UPF3A: variants seen among roughly 807,000 people sequenced by gnomAD.
UPF3A encodes the protein regulator of nonsense transcripts 3A.
Under a neutral mutation model 53.5 loss-of-function variants are expected in UPF3A, and 42 were observed. That is an observed-to-expected ratio of 0.78 (90% CI 0.61 to 1.01). UPF3A has a LOEUF of 1.01. Among genes scored for constraint, UPF3A ranks in the 50% least tolerant of loss-of-function variants. The pLI is 0.00. For synonymous variants in UPF3A, 237 were observed against 225.3 expected (o/e 1.05, Z -0.47); for missense variants, 575 against 598.0 (o/e 0.96, Z 0.40).
rs186612148 is a variant in UPF3A at position 114,288,549 on chromosome 13, C to G, written c.631+1920C>G. Among the ~76,000 whole-genome samples, 593 of 152,284 alleles carry G rather than the reference C, an allele frequency of 3.9e-3. 5 individuals carry two copies. The highest frequency in any genetic ancestry group is 0.014 in the African/African-American group (566 of 41,562). ...GGTGAGGGCAGCGTGGTTGGAGGTT[C>G]AGGGCACTGCAAGACATTTAGATTC... On this transcript the variant is annotated intron_variant, in intron 5 of 9. Transcript: ENST00000375299.
intron 5 of UPF3A, among the ~76,000 whole-genome samples, chr13:114,289,542 A>T (rs937121941): frequency 9.0e-5 from 13 of 144,736 alleles, no homozygotes; most frequent in South Asian, 2.3e-4. Context: ...AAAAAAAAAA[A>T]TTTTAGGCAA....
At chr13:114,295,521 G>A (rs990137660) in intron 7 of UPF3A, among the ~76,000 whole-genome samples, 3 of 152,184 alleles carry the variant, frequency 2.0e-5, no homozygotes, top group East Asian at 1.9e-4. Context: ...AGATGTGCCC[G>A]TGGCTCCTTC....
At chr13:114,284,160 G>A (rs1393546372) in intron 3 of UPF3A, 20 of 724,312 alleles carry the variant, frequency 2.8e-5, no homozygotes, top group Non-Finnish European at 3.2e-5. Context: ...TCAGGAGTTC[G>A]AGACCGGCCT....
intron 5 of UPF3A, among the ~76,000 whole-genome samples, chr13:114,288,465 G>A (rs767723818): frequency 3.9e-4 from 60 of 152,368 alleles, no homozygotes; most frequent in Admixed American, 5.2e-4. Context: ...GGGCAGGGCC[G>A]GCTGCTGTCG....
chr13:114,296,990 G>C (rs558330583), intron 7 of UPF3A, among the ~76,000 whole-genome samples: 1 of 152,284 alleles, frequency 6.6e-6, no homozygotes, highest in South Asian at 2.1e-4. Flanking sequence ...TAAGTTCCCA[G>C]ATTCCACATA....
At chr13:114,290,734 CTTTT>C (rs112441605) in intron 5 of UPF3A, among the ~76,000 whole-genome samples, 3 of 138,408 alleles carry the variant, frequency 2.2e-5, no homozygotes, top group Admixed American at 7.2e-5. Context: ...TCTTTTTTTT[CTTTT>C]TTTTTTTTTT....
rs1288977974 is a variant in UPF3A, at chr13:114,281,715, C to A, written c.76C>A (p.Leu26Met). The A allele has an allele frequency of 3.9e-6, 6 of 1,551,910 alleles. No homozygotes were observed. The highest frequency in any genetic ancestry group is 3.5e-6 in the Non-Finnish European group (4 of 1,148,672). Reference protein sequence around the residue: ...AARGPSGREKLSALEVQFHRD... With the variant: ...AARGPSGREKMSALEVQFHRD... ...GCGGGGCCCGAGCGGGAGGGAGAAG[C>A]TGTCGGCCCTAGAAGTGCAGTTCCA... The change falls in exon 1 of 10, where the codon CTG becomes ATG. Residue 26 changes from leucine to methionine, a missense_variant. This residue lies in a region of UPF3A where 252 missense variants were observed against 182.7 expected (regional missense o/e 1.38). Coordinates refer to ENST00000375299, the MANE Select transcript of UPF3A (RefSeq NM_023011.4).
chr13:114,290,322 AGT>A (rs1453087982), intron 5 of UPF3A, among the ~76,000 whole-genome samples: 1 of 152,092 alleles, frequency 6.6e-6, no homozygotes, highest in African/African-American at 2.4e-5. Context: ...CTCAGTTCCA[AGT>A]GATGGATCCC....
intron 3 of UPF3A, chr13:114,283,827 C>T (rs2084378041): frequency 1.2e-5 from 12 of 985,444 alleles, no homozygotes; most frequent in Admixed American, 6.1e-5. Flanking sequence ...GTTTGTATAC[C>T]TTTCACAGCA....
intron 3 of UPF3A, among the ~76,000 whole-genome samples, chr13:114,284,787 C>T (rs2084506180): frequency 6.6e-6 from 1 of 152,084 alleles, no homozygotes; most frequent in Non-Finnish European, 1.5e-5. Flanking sequence ...GAGCAAGGGG[C>T]CAGTCGTCCT....
At chr13:114,302,792 G>A (rs1297171576) in intron 9 of UPF3A, among the ~76,000 whole-genome samples, 1 of 152,170 alleles carries the variant, frequency 6.6e-6, no homozygotes, top group South Asian at 2.1e-4. Context: ...GTGTATGAAC[G>A]ATGTTCACTT....
chr13:114,283,206 A>G (rs890177853), intron 3 of UPF3A: 1 of 290,988 alleles, frequency 3.4e-6, no homozygotes, highest in Non-Finnish European at 6.4e-6. Context: ...TTGTGTAGAG[A>G]CGGGGGTCTC....
intron 8 of UPF3A, among the ~76,000 whole-genome samples, chr13:114,300,819 G>A (rs1468314969): frequency 1.3e-5 from 2 of 151,704 alleles, no homozygotes; most frequent in African/African-American, 2.4e-5. Flanking sequence ...GATTACAGGT[G>A]TGAGCCGCTG....
At chr13:114,289,906 G>T (rs890565660) in intron 5 of UPF3A, among the ~76,000 whole-genome samples, 2 of 152,238 alleles carry the variant, frequency 1.3e-5, no homozygotes, top group African/African-American at 4.8e-5. Flanking sequence ...GGAAGAGGAA[G>T]GTGGGCAAGC....
At chr13:114,302,100 C>T in intron 9 of UPF3A, 75 bp downstream of exon 9, 1 of 1,368,166 alleles carries the variant, frequency 7.3e-7, no homozygotes, top group Non-Finnish European at 9.5e-7. Context: ...CATGTCACCC[C>T]CACTTGGCCT....
Position 114,281,728 on chromosome 13 carries a change from A to G in UPF3A, c.89A>G (p.Glu30Gly), listed in dbSNP as rs549694730. The G allele has an allele frequency of 1.3e-5, 20 of 1,556,874 alleles. 1 individual carries two copies. In the South Asian group the frequency reaches 2.1e-4, roughly 17 times the overall value. Residue 30 changes from glutamate to glycine, a missense_variant, in exon 1 of 10, where the codon GAA (glutamate) becomes GGA (glycine). This residue lies in a region of UPF3A where 252 missense variants were observed against 182.7 expected (regional missense o/e 1.38). Transcript: ENST00000375299. The part of the protein sequence containing the change: ...PSGREKLSAL[E>G]VQFHRDSQQQ... The stretch of plus-strand genomic sequence containing the variant: ...GGGAGGGAGAAGCTGTCGGCCCTAG[A>G]AGTGCAGTTCCACCGCGACTCGCAG...
intron 7 of UPF3A, among the ~76,000 whole-genome samples, chr13:114,293,030 C>T (rs1189057473): frequency 1.4e-5 from 2 of 145,602 alleles, no homozygotes; most frequent in Non-Finnish European, 3.0e-5. Context: ...CGAGATCGCG[C>T]CATTGCACTC....
Position 114,298,913 on chromosome 13 carries a change from C to T in UPF3A, c.920C>T (p.Thr307Ile), listed in dbSNP as rs1304481644. ...KPKERGEEIDTGGGKQESCAP... is the reference protein window; with the variant it reads ...KPKERGEEIDIGGGKQESCAP... ...AAAGAAAGAGGAGAGGAGATTGATA[C>T]TGGAGGTGGCAAGCAGGAATCCTGT... Residue 307 changes from threonine (T) to isoleucine (I), a missense_variant, in exon 8 of 10, where the codon ACT (threonine) becomes ATT (isoleucine). Thr to Ile is a moderately conservative substitution (Grantham distance 89). Transcript: ENST00000375299. 1.9e-6 allele frequency: 3 copies of T among 1,607,290 alleles called. No individual in the cohort carries two copies. The highest frequency in any genetic ancestry group is 2.5e-6 in the Non-Finnish European group (3 of 1,177,140).
intron 5 of UPF3A, among the ~76,000 whole-genome samples, chr13:114,290,734 C>CTTTTTTTTTTTTTT (rs112441605): frequency 8.7e-5 from 12 of 138,400 alleles, no homozygotes; most frequent in Non-Finnish European, 1.3e-4. Context: ...TCTTTTTTTT[C>CTTTTTTTTTTTTTT]TTTTTTTTTT....
Sources: gnomAD v4.1 joint callset for allele counts (sites outside exome capture counted in the v4.1 genomes callset) on GRCh38, gnomAD v4.1.1 for gene constraint, gnomAD v4.1.1 regional missense constraint, MANE v1.5 for transcripts, NCBI Gene and HGNC (gene_info 2026-07-23, HGNC 2026-07-21) for gene names.